TYK2: variants seen among roughly 807,000 people sequenced by gnomAD.
TYK2 encodes the protein tyrosine kinase 2, also known as non-receptor tyrosine-protein kinase TYK2.
TYK2 carries 65 observed loss-of-function variants against 130.9 expected under a neutral mutation model. The ratio of observed to expected loss-of-function variants is 0.50; its 90% CI spans 0.41 to 0.61. The LOEUF (loss-of-function observed/expected upper bound fraction) is 0.61. Among genes scored for constraint, TYK2 ranks in the 20% least tolerant of loss-of-function variants. The pLI is 0.00. For missense variants in TYK2, 1,378 were observed against 1,610.7 expected (o/e 0.86, Z 2.47); for synonymous variants, 647 against 658.9 (o/e 0.98, Z 0.28).
At chr19:10,358,486 T>C (rs909845077) in intron 15 of TYK2, among the ~76,000 whole-genome samples, 2 of 151,798 alleles carry the variant, frequency 1.3e-5, no homozygotes, top group Non-Finnish European at 2.9e-5. Flanking sequence ...GGTCTAGCTA[T>C]GCTGCTGCCC....
At chr19:10,357,582 C>T (rs1393666034) in intron 17 of TYK2, 182 bp downstream of exon 17, 1 of 838,678 alleles carries the variant, frequency 1.2e-6, no homozygotes, top group Non-Finnish European at 2.0e-6. Flanking sequence ...AAGTGACTTC[C>T]ACAAGGACCT....
At chr19:10,367,788 C>T (rs530945640) in intron 5 of TYK2, among the ~76,000 whole-genome samples, 2 of 151,768 alleles carry the variant, frequency 1.3e-5, no homozygotes, top group South Asian at 2.1e-4. Context: ...GGCATGGTGG[C>T]GGGCGCCTGT....
Position 10,368,163 on chromosome 19 carries a change from T to C in TYK2, c.357A>G (p.Glu119=). 6.2e-7 allele frequency: 1 copy of C among 1,614,106 alleles called. No homozygotes were observed. The highest frequency in any genetic ancestry group is 8.5e-7 in the Non-Finnish European group (1 of 1,180,014). The change falls in exon 5 of 25, where the codon GAA becomes GAG. Residue 119 remains glutamate (E), a synonymous_variant. Transcript: ENST00000525621. The part of the protein sequence containing the change: ...FRNWHGMNPR[E]PAVYRCGPPG... ...GGGGCCCACAACGGTACACAGCCGG[T>C]TCCCGAGGATTCATGCCATGCCAGT...
intron 15 of TYK2, among the ~76,000 whole-genome samples, chr19:10,358,366 A>G (rs2145190241): frequency 6.8e-6 from 1 of 147,388 alleles, no homozygotes; most frequent in Admixed American, 6.8e-5. Flanking sequence ...AGTGGCACGA[A>G]CATAGCTCAC....
chr19:10,353,050 C>T lies in TYK2; in HGVS notation c.3076G>A (p.Ala1026Thr), dbSNP rs771434577. Residue 1026 changes from alanine (A) to threonine (T), a missense_variant, in exon 22 of 25, where the codon GCG (alanine) becomes ACG (threonine). Ala to Thr is a moderately conservative substitution (Grantham distance 58). Transcript: ENST00000525621. The surrounding 1 kb of genome is among the most constrained non-coding windows in gnomAD (Gnocchi z 6.9). Reference protein sequence around the residue: ...AQHYIHRDLAARNVLLDNDRL... With the variant: ...AQHYIHRDLATRNVLLDNDRL... Reference sequence around the variant, plus strand: ...TCGTTGTCCAGCAGCACGTTGCGCGCGGCTAGGTCTCGGTGGATGTAGTGC... The same window carrying T: ...TCGTTGTCCAGCAGCACGTTGCGCGTGGCTAGGTCTCGGTGGATGTAGTGC... 9.4e-6 allele frequency: 15 copies of T among 1,589,844 alleles called. No individual in the cohort carries two copies. Among genetic ancestry groups the T allele is most frequent in the Non-Finnish European group, 1.3e-5 (15 of 1,166,816 alleles).
intron 15 of TYK2, 24 bp downstream of exon 15, chr19:10,359,151 A>G (rs890364303): frequency 6.3e-7 from 1 of 1,599,084 alleles, no homozygotes; most frequent in Non-Finnish European, 8.5e-7. Flanking sequence ...TGACCGACCC[A>G]GGCCCCACAC....
In TYK2 at chr19:10,350,832, C is replaced by T. The variant is rs1383261979; in HGVS notation, c.*2G>A. The T allele has an allele frequency of 6.2e-7, 1 of 1,613,074 alleles. No individual in the cohort carries two copies. Among genetic ancestry groups the T allele is most frequent in the Non-Finnish European group, 8.5e-7 (1 of 1,180,024 alleles). ...CCTCCCAGGCAGGGCTGCCATTGTG[C>T]CTCAGCACACGCTGAACACTGAAGG... On this transcript the variant is annotated 3_prime_UTR_variant, in exon 25 of 25. Transcript: ENST00000525621.
chr19:10,362,519 C>T, intron 10 of TYK2, 30 bp downstream of exon 10: 1 of 1,556,374 alleles, frequency 6.4e-7, no homozygotes, highest in Non-Finnish European at 8.7e-7. Flanking sequence ...CGTGTCCAGC[C>T]CCAGCCCCAG....
chr19:10,377,665 T>TGGATGTGTGGGTGGATGGATGG (rs527298192), intron 3 of TYK2, among the ~76,000 whole-genome samples: 1 of 332 alleles, frequency 3.0e-3, no homozygotes. Flanking sequence ...AATGGGTGGG[T>TGGATGTGTGGGTGGATGGATGG]ATGGATGGAT....
chr19:10,368,024 A>G (rs758666723), intron 5 of TYK2, 31 bp downstream of exon 5: 7 of 1,613,722 alleles, frequency 4.3e-6, no homozygotes, highest in Non-Finnish European at 5.1e-6. Flanking sequence ...GTCTCCCACA[A>G]ATAGTCTTGC....
intron 9 of TYK2, among the ~76,000 whole-genome samples, chr19:10,363,172 G>A (rs2041492402): frequency 1.3e-5 from 2 of 150,516 alleles, no homozygotes; most frequent in South Asian, 2.1e-4. Flanking sequence ...CACTGTGCCC[G>A]GCTACCTGAT....
intron 3 of TYK2, among the ~76,000 whole-genome samples, chr19:10,376,067 C>T (rs1388876244): frequency 6.9e-6 from 1 of 144,988 alleles, no homozygotes; most frequent in Non-Finnish European, 1.5e-5. Context: ...GGCTGGAGTA[C>T]AATGGCACGA....
At position 10,361,850 on chromosome 19, in the gene TYK2, G is replaced by A. The variant is rs918183702; in HGVS notation, c.1879C>T (p.Leu627Phe). 6.2e-7 allele frequency: 1 copy of A among 1,614,020 alleles called. No individual in the cohort carries two copies. The highest frequency in any genetic ancestry group is 8.5e-7 in the Non-Finnish European group (1 of 1,179,994). ...EEGKMDDEDPLVPGRDRGQEL... is the reference protein window; with the variant it reads ...EEGKMDDEDPFVPGRDRGQEL... ...TGCCCACGGTCCCTGCCAGGCACGAGGGGGTCCTCGTCATCCATCTTGCCC... is the reference window on the plus strand; with the variant it reads ...TGCCCACGGTCCCTGCCAGGCACGAAGGGGTCCTCGTCATCCATCTTGCCC... The change falls in exon 13 of 25, where the codon CTC becomes TTC. Residue 627 changes from leucine to phenylalanine, a missense_variant. Transcript: ENST00000525621. This position sits in a 1 kb window ranked among gnomAD's most constrained non-coding sequence, Gnocchi z 4.0.
At chr19:10,377,624 ATGGGTGGG>A (rs1568346654) in intron 3 of TYK2, among the ~76,000 whole-genome samples, 1 of 43,824 alleles carries the variant, frequency 2.3e-5, no homozygotes, top group African/African-American at 9.0e-5. Context: ...GGATGGGTGG[ATGGGTGGG>A]TGGATGGATG....
chr19:10,352,897 C>A (rs762264482), intron 22 of TYK2, 29 bp downstream of exon 22: 3 of 1,573,032 alleles, frequency 1.9e-6, no homozygotes, highest in Admixed American at 1.8e-5. Context: ...GACCCCAGCA[C>A]CCCCTCAGAC....
intron 7 of TYK2, 45 bp from the exon 8 acceptor site, chr19:10,365,093 C>G: frequency 6.5e-7 from 1 of 1,545,752 alleles, no homozygotes; most frequent in Non-Finnish European, 8.7e-7. Flanking sequence ...GGGCAATGCC[C>G]GTTTATACCT....
At chr19:10,368,551 T>C (rs774617767) in intron 3 of TYK2, 133 bp from the exon 4 acceptor site, 1 of 1,381,020 alleles carries the variant, frequency 7.2e-7, no homozygotes, top group Non-Finnish European at 1.0e-6. Context: ...CAGTCTCACG[T>C]TGCCCCTGGG....
Position 10,364,720 on chromosome 19 carries a change from C to A in TYK2, c.1261G>T (p.Asp421Tyr). 6.2e-7 allele frequency: 1 copy of A among 1,613,814 alleles called. No homozygotes were observed. The highest frequency in any genetic ancestry group is 8.5e-7 in the Non-Finnish European group (1 of 1,180,000). Residue 421 changes from aspartate (D) to tyrosine (Y), a missense_variant, in exon 9 of 25, where the codon GAC becomes TAC. Transcript: ENST00000525621. This position sits in a 1 kb window ranked among gnomAD's most constrained non-coding sequence, Gnocchi z 4.9. ...TCGGCCGTCAGGCGGAAATAGCCGT[C>A]CACCAGCGACACGAAGGACAGCGCC... is the stretch of plus-strand genomic sequence containing the variant. ...AAALSFVSLV[D>Y]GYFRLTADSS...
rs1310934081 is a variant in TYK2, at chr19:10,353,051, G to T, written c.3075C>A (p.Ala1025=). Residue 1025 remains alanine (A), a synonymous_variant, in exon 22 of 25, where the codon GCC becomes GCA. Transcript: ENST00000525621. The surrounding 1 kb of genome is among the most constrained non-coding windows in gnomAD (Gnocchi z 6.9). ...CGTTGTCCAGCAGCACGTTGCGCGC[G>T]GCTAGGTCTCGGTGGATGTAGTGCT... ...HAQHYIHRDL[A]ARNVLLDNDR... is the part of the protein sequence containing the mutation. 6.3e-7 allele frequency: 1 copy of T among 1,590,754 alleles called. No homozygotes were observed. Among genetic ancestry groups the T allele is most frequent in the South Asian group, 1.1e-5 (1 of 89,948 alleles).
Sources: gnomAD v4.1 joint callset for allele counts (sites outside exome capture counted in the v4.1 genomes callset) on GRCh38, gnomAD v4.1.1 for gene constraint, Gnocchi (gnomAD v3.1) non-coding constraint, MANE v1.5 for transcripts, NCBI Gene and HGNC (gene_info 2026-07-23, HGNC 2026-07-21) for gene names.